The following TAF15 variants were observed in gnomAD, a reference collection of about 807,000 sequenced individuals.
TAF15 encodes the protein TATA-binding protein-associated factor 2N.
A neutral mutation model predicts 102.5 loss-of-function variants in TAF15; 37 were observed. That is an observed-to-expected ratio of 0.36 (90% CI 0.28 to 0.47). TAF15 has a LOEUF of 0.47. TAF15 is among the 20% of genes least tolerant of loss of function. TAF15 has a pLI of 0.99. For missense variants in TAF15, 652 were observed against 760.7 expected, an observed-to-expected ratio of 0.86 and a Z score of 1.68; for synonymous variants, 273 against 259.2, an observed-to-expected ratio of 1.05 and a Z score of -0.51.
chr17:35,832,973 A>G (rs1287196468), intron 7 of TAF15, among the ~76,000 whole-genome samples: 4 of 152,066 alleles, frequency 2.6e-5, no homozygotes, highest in Non-Finnish European at 4.4e-5. Context: ...CTTAGCCAAC[A>G]TGGTGAAATC....
intron 10 of TAF15, 21 bp from the exon 11 acceptor site, chr17:35,838,403 A>C: frequency 6.2e-7 from 1 of 1,613,978 alleles, no homozygotes. Context: ...GCTAACACCA[A>C]GTGTTTCTGT....
At chr17:35,832,214 G>A (rs1254002140) in intron 7 of TAF15, among the ~76,000 whole-genome samples, 3 of 152,214 alleles carry the variant, frequency 2.0e-5, no homozygotes, top group Non-Finnish European at 4.4e-5. Context: ...TAGAAGTAAA[G>A]GGAGGGCTTT....
rs1231947634 is a variant in TAF15 at position 35,834,010 on chromosome 17, G to A, written c.640+69G>A. On this transcript the variant is annotated intron_variant, in intron 8 of 15. Coordinates refer to ENST00000605844, the MANE Select transcript of TAF15 (RefSeq NM_139215.3). ...TAAATCTAAAAGCCACCAATATCCC[G>A]CAGATGTAGTCAAAAGTCCTTTCTT... is the stretch of plus-strand genomic sequence containing the variant. 1.8e-5 allele frequency: 28 copies of A among 1,550,108 alleles called. No homozygotes were observed. In the Admixed American group the frequency reaches 1.8e-4, roughly 10 times the overall value.
At chr17:35,831,379 C>T (rs1447478536) in intron 7 of TAF15, among the ~76,000 whole-genome samples, 2 of 150,784 alleles carry the variant, frequency 1.3e-5, no homozygotes. Flanking sequence ...TGCACTCCAG[C>T]CTGGGCGACA....
At chr17:35,845,613 C>T (rs780876618) in intron 15 of TAF15, among the ~76,000 whole-genome samples, 9 of 152,074 alleles carry the variant, frequency 5.9e-5, no homozygotes, top group Admixed American at 1.3e-4. Context: ...CCTGGGTTCA[C>T]GCCATTCTGC....
intron 7 of TAF15, among the ~76,000 whole-genome samples, chr17:35,826,219 G>C (rs1426212026): frequency 6.6e-6 from 1 of 152,018 alleles, no homozygotes; most frequent in East Asian, 1.9e-4. Context: ...ATATCTAGTT[G>C]GTCCAAATGA....
chr17:35,836,103 A>T, intron 9 of TAF15, 29 bp from the exon 10 acceptor site: 1 of 1,461,802 alleles, frequency 6.8e-7, no homozygotes, highest in Non-Finnish European at 9.6e-7. Context: ...AGGAATATGT[A>T]AAATTAACCA....
intron 7 of TAF15, chr17:35,833,566 G>T: frequency 5.0e-6 from 1 of 199,570 alleles, no homozygotes; most frequent in South Asian, 1.5e-4. Flanking sequence ...TAACCGTTTG[G>T]AAAAAATACT....
At chr17:35,832,021 T>C in intron 7 of TAF15, among the ~76,000 whole-genome samples, 1 of 152,076 alleles carries the variant, frequency 6.6e-6, no homozygotes, top group East Asian at 1.9e-4. Context: ...GAGCTTGCGG[T>C]GAGCCAAGAT....
intron 1 of TAF15, among the ~76,000 whole-genome samples, chr17:35,813,992 TTTGTTG>T (rs201603145): frequency 3.5e-4 from 48 of 137,600 alleles, no homozygotes; most frequent in Non-Finnish European, 6.3e-4. Context: ...TTCTGTTTTT[TTTGTTG>T]TTGTTGTTGT....
At chr17:35,834,500 T>A in intron 8 of TAF15, 66 bp from the exon 9 acceptor site, 1 of 1,459,562 alleles carries the variant, frequency 6.9e-7, no homozygotes, top group Non-Finnish European at 9.5e-7. Flanking sequence ...TTTATTACTA[T>A]TTTTTTTGTT....
chr17:35,820,282 G>T, intron 4 of TAF15, 34 bp downstream of exon 4: 1 of 1,613,792 alleles, frequency 6.2e-7, no homozygotes, highest in African/African-American at 1.3e-5. Context: ...TTGTTTCAGA[G>T]ATTGAAAAAT....
At chr17:35,838,864 G>A (rs2087507047) in intron 11 of TAF15, among the ~76,000 whole-genome samples, 1 of 152,124 alleles carries the variant, frequency 6.6e-6, no homozygotes, top group African/African-American at 2.4e-5. Context: ...ATGGCATTTT[G>A]TTACATGGAT....
chr17:35,809,654 G>GGGCCCTGAGGAGAAGCCTCC (rs1366252189), intron 1 of TAF15, 78 bp downstream of exon 1: 58 of 1,602,096 alleles, frequency 3.6e-5, no homozygotes, highest in Non-Finnish European at 4.4e-5. Flanking sequence ...GCCCACCGGA[G>GGGCCCTGAGGAGAAGCCTCC]GGCCCTGAGG....
At chr17:35,829,868 A>G (rs1310146072) in intron 7 of TAF15, among the ~76,000 whole-genome samples, 1 of 151,678 alleles carries the variant, frequency 6.6e-6, no homozygotes, top group African/African-American at 2.4e-5. Flanking sequence ...GGCTGGGCAC[A>G]TTGGCTCACG....
chr17:35,839,413 G>A (rs1208737930), intron 11 of TAF15, among the ~76,000 whole-genome samples: 2 of 103,894 alleles, frequency 1.9e-5, no homozygotes, highest in Non-Finnish European at 3.5e-5. Flanking sequence ...ACGGAGTCTC[G>A]CTTTGTCTCC....
rs561804318 is a variant in TAF15 at position 35,809,498 on chromosome 17, C to T, written c.-72C>T. 28 of 1,606,938 alleles carry T rather than the reference C, an allele frequency of 1.7e-5. No individual in the cohort carries two copies. The highest frequency in any genetic ancestry group is 4.0e-5 in the African/African-American group (3 of 74,822). ...GCGCCGCCCTCAGTACAGCTCCGGC[C>T]GCCGCGCCGCCTGGCTTTCGTATTC... On this transcript the variant is annotated 5_prime_UTR_variant, in exon 1 of 16. Coordinates refer to ENST00000605844, the MANE Select transcript of TAF15 (RefSeq NM_139215.3).
At chr17:35,814,924 C>T (rs751730887) in intron 1 of TAF15, among the ~76,000 whole-genome samples, 26 of 151,104 alleles carry the variant, frequency 1.7e-4, no homozygotes, top group Middle Eastern at 3.2e-3. Context: ...AAGAACTTGA[C>T]AAGTCCATAG....
rs941238013 is a variant in TAF15 at position 35,839,530 on chromosome 17, C to T, written c.913+977C>T. Among the ~76,000 whole-genome samples, 7 of 151,726 alleles carry T rather than the reference C, an allele frequency of 4.6e-5. No homozygotes were observed. The South Asian group carries it at 8.3e-4, about 18-fold the overall frequency. On this transcript the variant is annotated intron_variant, in intron 11 of 15. Transcript: ENST00000605844. ...CCCAGTAGCTGGGACTACAGGCGCC[C>T]GCCACCACGCCCTGCTAATTTTTTT... is the stretch of plus-strand genomic sequence containing the variant.
Sources: gnomAD v4.1 joint callset for allele counts (sites outside exome capture counted in the v4.1 genomes callset) on GRCh38, gnomAD v4.1.1 for gene constraint, MANE v1.5 for transcripts, NCBI Gene and HGNC (gene_info 2026-07-23, HGNC 2026-07-21) for gene names.